The following KIAA1217 variants were observed in gnomAD, a reference collection of about 807,000 sequenced individuals.
KIAA1217 encodes sickle tail protein homolog.
In KIAA1217, 88 loss-of-function variants were observed where a neutral mutation model predicts 163.9. That is an observed-to-expected ratio of 0.54 (90% confidence interval 0.45 to 0.64). KIAA1217 has a LOEUF of 0.64. KIAA1217 is among the 30% of genes least tolerant of loss of function. The probability of loss-of-function intolerance (pLI) is 0.00; values close to 1 mark genes in which losing one functional copy is unlikely to be tolerated. For missense variants in KIAA1217, 2,372 were observed against 2,475.0 expected (o/e 0.96, Z 0.88); for synonymous variants, 903 against 923.1 (o/e 0.98, Z 0.39).
At chr10:23,927,911 G>GA (rs948387671) in intron 1 of KIAA1217, among the ~76,000 whole-genome samples, 3 of 152,036 alleles carry the variant, frequency 2.0e-5, no homozygotes, top group Admixed American at 6.6e-5. Context: ...TAATTAAATG[G>GA]AAAAAATGGT....
intron 10 of KIAA1217, among the ~76,000 whole-genome samples, chr10:24,515,591 G>A (rs1176360651): frequency 1.3e-5 from 2 of 152,198 alleles, no homozygotes; most frequent in African/African-American, 4.8e-5. Flanking sequence ...AGCCCTTGAG[G>A]ATCTTCAGTC....
intron 2 of KIAA1217, among the ~76,000 whole-genome samples, chr10:24,268,719 A>G (rs2076477581): frequency 1.9e-5 from 2 of 103,824 alleles, no homozygotes; most frequent in Admixed American, 2.3e-4. Flanking sequence ...GTATATACCC[A>G]AAGGACTATA....
chr10:24,333,457 G>A (rs1037846065), intron 2 of KIAA1217, among the ~76,000 whole-genome samples: 1 of 152,136 alleles, frequency 6.6e-6, no homozygotes, highest in Non-Finnish European at 1.5e-5. Flanking sequence ...TGGGATTCAG[G>A]GGGTATGTGT....
In KIAA1217 at chr10:24,313,534, C is replaced by T. The variant is rs191460083; in HGVS notation, c.355-67335C>T. On this transcript the variant is annotated intron_variant, in intron 2 of 20. Coordinates refer to ENST00000376454, the MANE Select transcript of KIAA1217 (RefSeq NM_019590.5). ...TGTTGGTAAAGCTGCCCGGGGTTAG[C>T]GCCAGATGGAGTTTTTCTGTATACA... 3.1e-3 allele frequency among the ~76,000 whole-genome samples: 465 copies of T among 152,196 alleles called. 5 individuals carry two copies. Among genetic ancestry groups the T allele is most frequent in the Admixed American group, 0.026 (391 of 15,272 alleles).
At chr10:24,532,664 G>A (rs565680687) in intron 15 of KIAA1217, among the ~76,000 whole-genome samples, 40 of 152,062 alleles carry the variant, frequency 2.6e-4, no homozygotes, top group Non-Finnish European at 2.1e-4. Flanking sequence ...TTTATAAAAC[G>A]GTCCGATCTC....
intron 1 of KIAA1217, among the ~76,000 whole-genome samples, chr10:23,939,332 C>A (rs191578801): frequency 1.8e-3 from 273 of 152,118 alleles, no homozygotes; most frequent in African/African-American, 6.5e-3. Flanking sequence ...AATCCCTATA[C>A]GGGGAGGCAT....
At chr10:24,121,541 A>G (rs538160493) in intron 2 of KIAA1217, among the ~76,000 whole-genome samples, 1 of 152,312 alleles carries the variant, frequency 6.6e-6, no homozygotes, top group East Asian at 1.9e-4. Flanking sequence ...AAGTCTTTCA[A>G]ATTGTCAGAA....
At chr10:24,094,665 C>T (rs889394397) in intron 2 of KIAA1217, among the ~76,000 whole-genome samples, 2 of 152,236 alleles carry the variant, frequency 1.3e-5, no homozygotes, top group Non-Finnish European at 2.9e-5. Flanking sequence ...CCCAGTTAGG[C>T]TGCTCGGGGG....
intron 1 of KIAA1217, among the ~76,000 whole-genome samples, chr10:23,862,056 A>G (rs7073960): frequency 0.24 from 36,680 of 152,116 alleles, 4,858 homozygotes; most frequent in African/African-American, 0.35. Context: ...AAGATGAAAC[A>G]TCTTCATTGA....
At chr10:24,043,813 C>G (rs778697624) in intron 2 of KIAA1217, among the ~76,000 whole-genome samples, 21 of 152,104 alleles carry the variant, frequency 1.4e-4, no homozygotes, top group Non-Finnish European at 2.6e-4. Flanking sequence ...AAGATTTATT[C>G]AAAATGCTGA....
intron 4 of KIAA1217, among the ~76,000 whole-genome samples, chr10:24,436,817 G>A (rs2060083521): frequency 6.7e-6 from 1 of 149,544 alleles, no homozygotes; most frequent in South Asian, 2.1e-4. Context: ...GATTTCAACT[G>A]GAGACAGTGA....
intron 2 of KIAA1217, among the ~76,000 whole-genome samples, chr10:24,238,602 G>C (rs1230391929): frequency 6.6e-6 from 1 of 152,054 alleles, no homozygotes; most frequent in African/African-American, 2.4e-5. Flanking sequence ...AGAAGCCGAG[G>C]GGAAATGCAC....
intron 2 of KIAA1217, among the ~76,000 whole-genome samples, chr10:24,064,071 A>G (rs898276178): frequency 6.6e-6 from 1 of 152,176 alleles, no homozygotes; most frequent in Non-Finnish European, 1.5e-5. Context: ...TAGATACACA[A>G]TCATGTCATC....
intron 3 of KIAA1217, among the ~76,000 whole-genome samples, chr10:24,414,670 G>C (rs1411831194): frequency 1.3e-5 from 2 of 152,162 alleles, no homozygotes; most frequent in Non-Finnish European, 2.9e-5. Flanking sequence ...AAGATCTGGG[G>C]ACATGGACCC....
rs539385342 is a variant in KIAA1217, at chr10:23,831,607, GTAA to G, written c.-321+136376_-321+136378del. ...ACGTTTAAATAATTGTATTAGGAAT[GTAA>G]TATGTGTATTAATGATAAAATTTGA... On this transcript the variant is annotated intron_variant, in intron 1 of 18. Coordinates refer to the KIAA1217 transcript ENST00000376462. Among the ~76,000 whole-genome samples the G allele has an allele frequency of 3.8e-3, 574 of 152,226 alleles. 8 individuals carry two copies. Among genetic ancestry groups the G allele is most frequent in the African/African-American group, 0.013 (529 of 41,538 alleles).
At chr10:24,107,896 G>A (rs566621088) in intron 2 of KIAA1217, among the ~76,000 whole-genome samples, 2 of 152,220 alleles carry the variant, frequency 1.3e-5, no homozygotes, top group South Asian at 4.1e-4. Context: ...ACTTTTATAG[G>A]TATAGAACTA....
intron 9 of KIAA1217, among the ~76,000 whole-genome samples, chr10:24,509,090 A>G (rs1202439408): frequency 6.6e-6 from 1 of 152,220 alleles, no homozygotes; most frequent in Admixed American, 6.5e-5. Context: ...AAATGTAGGT[A>G]TCACCTCTTA....
chr10:23,889,241 A>G (rs533984633), intron 1 of KIAA1217, among the ~76,000 whole-genome samples: 2 of 151,986 alleles, frequency 1.3e-5, no homozygotes, highest in South Asian at 4.1e-4. Flanking sequence ...ATTGTTTTCT[A>G]ACGTGATGGG....
chr10:24,134,030 G>T (rs183638538), intron 2 of KIAA1217, among the ~76,000 whole-genome samples: 2 of 152,270 alleles, frequency 1.3e-5, no homozygotes, highest in African/African-American at 4.8e-5. Flanking sequence ...ACAATATGAT[G>T]TTTGCCTTTG....
Sources: gnomAD v4.1 joint callset for allele counts (sites outside exome capture counted in the v4.1 genomes callset) on GRCh38, gnomAD v4.1.1 for gene constraint, MANE v1.5 for transcripts, NCBI Gene and HGNC (gene_info 2026-07-23, HGNC 2026-07-21) for gene names.